The following CRYL1 variants were observed in gnomAD, a reference collection of about 807,000 sequenced individuals.
CRYL1 encodes crystallin lambda 1.
In CRYL1, 29 loss-of-function variants were observed where a neutral mutation model predicts 36.6. The ratio of observed to expected loss-of-function variants is 0.79; its 90% confidence interval spans 0.59 to 1.08. The LOEUF (loss-of-function observed/expected upper bound fraction) is 1.08, where lower values mean the gene tolerates loss of function less well. CRYL1 is among the 50% of genes least tolerant of loss of function. The pLI is 0.00. For synonymous variants in CRYL1, 152 were observed against 151.5 expected (o/e 1.00, Z -0.02); for missense variants, 411 against 407.9 (o/e 1.01, Z -0.06).
At chr13:20,507,688 G>A (rs1479909543) in intron 2 of CRYL1, among the ~76,000 whole-genome samples, 1 of 152,074 alleles carries the variant, frequency 6.6e-6, no homozygotes, top group Non-Finnish European at 1.5e-5. Flanking sequence ...GGAGGCCAAG[G>A]CAGGCGGATC....
chr13:20,459,235 C>CAAAAAA (rs61255031), intron 3 of CRYL1, among the ~76,000 whole-genome samples: 8 of 78,420 alleles, frequency 1.0e-4, no homozygotes, highest in South Asian at 5.1e-4. Context: ...GACTCCATCT[C>CAAAAAA]AAAAAAAAAA....
At chr13:20,445,070 C>G (rs73160875) in intron 3 of CRYL1, among the ~76,000 whole-genome samples, 1,690 of 151,986 alleles carry the variant, frequency 0.011, 15 homozygotes, top group Non-Finnish European at 0.016. Context: ...AATTGGAGAC[C>G]CTTTAAGTAA....
At chr13:20,445,933 C>T (rs556352345) in intron 3 of CRYL1, among the ~76,000 whole-genome samples, 1 of 152,296 alleles carries the variant, frequency 6.6e-6, no homozygotes, top group Admixed American at 6.5e-5. Flanking sequence ...TTCAAGCTGG[C>T]TTCCTACAGA....
At chr13:20,428,909 G>C (rs1023459576) in intron 5 of CRYL1, among the ~76,000 whole-genome samples, 1 of 152,176 alleles carries the variant, frequency 6.6e-6, no homozygotes, top group African/African-American at 2.4e-5. Flanking sequence ...TACCCTGGTA[G>C]GAGCATCCAG....
In CRYL1 at chr13:20,432,146, G is replaced by A. The variant is rs767757127; in HGVS notation, c.589C>T (p.Arg197Cys). 42 of 1,613,988 alleles carry A rather than the reference G, an allele frequency of 2.6e-5. No individual in the cohort carries two copies. Among genetic ancestry groups the A allele is most frequent in the South Asian group, 4.4e-5 (4 of 91,076 alleles). Residue 197 changes from arginine (R) to cysteine (C), a missense_variant, in exon 5 of 8, where the codon CGC becomes TGC. Arg to Cys is a radical substitution (Grantham distance 180, BLOSUM62 -3). Transcript: ENST00000298248. Reference sequence around the variant, plus strand: ...TCGCTGATGATTGCATATTGCAGGCGGTTCAGAACGAAGCCGGCCACCTCC... The same window carrying A: ...TCGCTGATGATTGCATATTGCAGGCAGTTCAGAACGAAGCCGGCCACCTCC... The part of the protein sequence containing the change: ...QKEVAGFVLN[R>C]LQYAIISEAW...
chr13:20,412,275 C>T (rs748834604), intron 6 of CRYL1, among the ~76,000 whole-genome samples: 2 of 152,004 alleles, frequency 1.3e-5, no homozygotes, highest in African/African-American at 4.8e-5. Flanking sequence ...ACATACAGAC[C>T]GAGAGACATA....
At chr13:20,523,877 A>G (rs2034140036) in intron 1 of CRYL1, among the ~76,000 whole-genome samples, 1 of 152,218 alleles carries the variant, frequency 6.6e-6, no homozygotes. Flanking sequence ...CAGTAGACTG[A>G]GCCACCCACA....
At chr13:20,431,534 A>G (rs184557653) in intron 5 of CRYL1, 61 of 1,004,442 alleles carry the variant, frequency 6.1e-5, no homozygotes, top group Non-Finnish European at 7.1e-5. Context: ...TGTACACGAG[A>G]ATGCGTGCAG....
intron 5 of CRYL1, chr13:20,427,145 C>G: frequency 1.0e-6 from 1 of 985,454 alleles, no homozygotes; most frequent in African/African-American, 1.7e-5. Context: ...ATGCTAATGC[C>G]TTAAAAATGT....
At chr13:20,498,052 C>A (rs1478118068) in intron 2 of CRYL1, among the ~76,000 whole-genome samples, 1 of 151,654 alleles carries the variant, frequency 6.6e-6, no homozygotes, top group Non-Finnish European at 1.5e-5. Flanking sequence ...CACAACTACA[C>A]ACACACCCTA....
chr13:20,483,430 C>G (rs991555077), intron 3 of CRYL1, among the ~76,000 whole-genome samples: 2 of 151,502 alleles, frequency 1.3e-5, no homozygotes, highest in Non-Finnish European at 1.5e-5. Context: ...CCTGGGTTCA[C>G]GCCATCTGGA....
chr13:20,468,262 C>T (rs1692260110), intron 3 of CRYL1, among the ~76,000 whole-genome samples: 1 of 152,112 alleles, frequency 6.6e-6, no homozygotes, highest in Admixed American at 6.5e-5. Flanking sequence ...CACTCTTCTC[C>T]AACTCAGCTA....
intron 2 of CRYL1, among the ~76,000 whole-genome samples, chr13:20,504,719 C>A (rs2033763134): frequency 1.3e-5 from 2 of 152,120 alleles, no homozygotes; most frequent in Admixed American, 1.3e-4. Flanking sequence ...GGTCAAGCGA[C>A]CTTCTATTAT....
chr13:20,418,276 C>T (rs2031720166), intron 5 of CRYL1: 2 of 152,162 alleles, frequency 1.3e-5, no homozygotes. Flanking sequence ...GGGACAGATA[C>T]CCTCAGGGAT....
At chr13:20,502,824 G>A (rs928558512) in intron 2 of CRYL1, among the ~76,000 whole-genome samples, 2 of 152,152 alleles carry the variant, frequency 1.3e-5, no homozygotes, top group East Asian at 1.9e-4. Context: ...GGGGTACTTT[G>A]GTTTCCTGTT....
In CRYL1 at chr13:20,518,360, A is replaced by C. The variant is rs987719147; in HGVS notation, c.42-5810T>G. On this transcript the variant is annotated intron_variant, in intron 1 of 7. Coordinates refer to ENST00000298248, the MANE Select transcript of CRYL1 (RefSeq NM_015974.3). ...TCACTGGGAAGGTGACATTTTAGCAACGGAGGTAAGGGGCCAAGCCATGAG... is the reference window on the plus strand; with the variant it reads ...TCACTGGGAAGGTGACATTTTAGCACCGGAGGTAAGGGGCCAAGCCATGAG... Among the ~76,000 whole-genome samples the C allele has an allele frequency of 3.3e-5, 5 of 152,194 alleles. No homozygotes were observed. In the South Asian group the frequency reaches 1.0e-3, roughly 32 times the overall value.
rs1310756929 is a variant in CRYL1, at chr13:20,425,298, G to C, written c.633+6804C>G. Among the ~76,000 whole-genome samples the C allele has an allele frequency of 1.3e-5, 2 of 152,218 alleles. No homozygotes were observed. The highest frequency in any genetic ancestry group is 2.9e-5 in the Non-Finnish European group (2 of 68,046). On this transcript the variant is annotated intron_variant, in intron 5 of 7. Transcript: ENST00000298248. This position sits in a 1 kb window ranked among gnomAD's most constrained non-coding sequence, Gnocchi z 4.4. ...TTGACCTCAAAGCCTGTGAAACGAT[G>C]ATGGAGCCCAGTTCTGCTCCTCCTT...
intron 5 of CRYL1, among the ~76,000 whole-genome samples, chr13:20,429,003 T>C (rs1158791417): frequency 6.6e-6 from 1 of 152,156 alleles, no homozygotes; most frequent in African/African-American, 2.4e-5. Flanking sequence ...CAGAGGATCC[T>C]GAAACAGAAG....
chr13:20,519,707 A>G (rs1413919339), intron 1 of CRYL1, among the ~76,000 whole-genome samples: 1 of 152,190 alleles, frequency 6.6e-6, no homozygotes, highest in Non-Finnish European at 1.5e-5. Context: ...AAACGGCAAG[A>G]AAAATTTTAC....
Sources: allele counts gnomAD v4.1 joint callset (sites outside exome capture counted in the v4.1 genomes callset), GRCh38; gene constraint gnomAD v4.1.1; non-coding constraint Gnocchi (gnomAD v3.1); transcripts MANE v1.5; gene names NCBI Gene and HGNC (gene_info 2026-07-23, HGNC 2026-07-21).